Variants in ZC3H12A observed in about 807,000 individuals in gnomAD.
The protein encoded by ZC3H12A is endoribonuclease ZC3H12A.
In ZC3H12A, 9 loss-of-function variants were observed where a neutral mutation model predicts 29.9. The observed-to-expected ratio is 0.30, with a 90% CI of 0.18 to 0.53. The LOEUF (loss-of-function observed/expected upper bound fraction) is 0.53, where lower values mean the gene tolerates loss of function less well. ZC3H12A is among the 20% of genes least tolerant of loss of function. ZC3H12A has a pLI of 0.96. For missense variants in ZC3H12A, 617 were observed against 799.0 expected, an observed-to-expected ratio of 0.77 and a Z score of 2.75; for synonymous variants, 323 against 338.1, an observed-to-expected ratio of 0.96 and a Z score of 0.49.
chr1:37,480,108 G>A, intron 2 of ZC3H12A, 182 bp from the exon 3 acceptor site: 4 of 1,320,766 alleles, frequency 3.0e-6, no homozygotes, highest in Non-Finnish European at 3.9e-6. Context: ...CCTGCAGAGG[G>A]CCAGGGCCTG....
rs1256411606 is a variant in ZC3H12A, at chr1:37,481,685, G to C, written c.668G>C (p.Cys223Ser). The C allele has an allele frequency of 6.2e-7, 1 of 1,614,260 alleles. No homozygotes were observed. The highest frequency in any genetic ancestry group is 8.5e-7 in the Non-Finnish European group (1 of 1,180,042). The change falls in exon 4 of 6, where the codon TGC becomes TCC. Residue 223 changes from cysteine to serine, a missense_variant. Physicochemically the swap from Cys to Ser is moderately radical, Grantham distance 112. Transcript: ENST00000373087. ...CGCGTGGGTGGCAAGCGGGTGGTGT[G>C]CTATGACGACAGATTCATTGTGAAG... Reference protein sequence around the residue: ...SRRVGGKRVVCYDDRFIVKLA... With the variant: ...SRRVGGKRVVSYDDRFIVKLA...
At chr1:37,482,630 C>A (rs769604990) in intron 5 of ZC3H12A, 90 bp downstream of exon 5, 7 of 1,607,930 alleles carry the variant, frequency 4.4e-6, no homozygotes, top group Non-Finnish European at 6.0e-6. Flanking sequence ...TCTTGGGGAC[C>A]TCCACCATTG....
Position 37,482,861 on chromosome 1 carries a change from C to T in ZC3H12A, c.1050C>T (p.Ser350=). The change falls in exon 6 of 6, where the codon AGC becomes AGT. Residue 350 remains serine, a synonymous_variant. Coordinates refer to ENST00000373087, the MANE Select transcript of ZC3H12A (RefSeq NM_025079.3). ...NALLSPPRAP[S]KDKNGRRPSP... Reference sequence around the variant, plus strand: ...TCCTCTCACCCCCCAGAGCCCCAAGCAAGGACAAAAATGGCCGGCGGCCTT... The same window carrying T: ...TCCTCTCACCCCCCAGAGCCCCAAGTAAGGACAAAAATGGCCGGCGGCCTT... 6.2e-7 allele frequency: 1 copy of T among 1,613,958 alleles called. No homozygotes were observed. Among genetic ancestry groups the T allele is most frequent in the Non-Finnish European group, 8.5e-7 (1 of 1,180,028 alleles).
Position 37,483,159 on chromosome 1 carries a change from C to G in ZC3H12A, c.1348C>G (p.Leu450Val). 1 of 1,613,560 alleles carries G rather than the reference C, an allele frequency of 6.2e-7. No individual in the cohort carries two copies. The highest frequency in any genetic ancestry group is 8.5e-7 in the Non-Finnish European group (1 of 1,179,938). ...CTCCCTGGAGAGCCAGATGTCGGAA[C>G]TTTGGGGGGTTCGAGGAGGAGGCCC... ...IGSLESQMSELWGVRGGGPGE... is the reference protein window; with the variant it reads ...IGSLESQMSEVWGVRGGGPGE... The change falls in exon 6 of 6, where the codon CTT becomes GTT. Residue 450 changes from leucine to valine, a missense_variant. By Grantham distance (32) the Leu-to-Val change is conservative. Coordinates refer to ENST00000373087, the MANE Select transcript of ZC3H12A (RefSeq NM_025079.3).
At chr1:37,481,950 G>C (rs967820369) in intron 4 of ZC3H12A, 115 bp downstream of exon 4, 2 of 1,062,584 alleles carry the variant, frequency 1.9e-6, no homozygotes, top group Non-Finnish European at 2.8e-6. Flanking sequence ...GGCCATGGGA[G>C]GTTGCGGGTC....
rs144045582 is a variant in ZC3H12A at position 37,478,165 on chromosome 1, G to T, written c.444-2125G>T. Among the ~76,000 whole-genome samples the T allele has an allele frequency of 2.1e-3, 314 of 152,266 alleles. 1 individual carries two copies. The highest frequency in any genetic ancestry group is 0.017 in the Middle Eastern group (5 of 294). On this transcript the variant is annotated intron_variant, in intron 2 of 5. Coordinates refer to ENST00000373087, the MANE Select transcript of ZC3H12A (RefSeq NM_025079.3). The surrounding 1 kb of genome is among the most constrained non-coding windows in gnomAD (Gnocchi z 5.2). ...GGCAGGCCAGAAGGCCCAAGGAAGG[G>T]GGGTGATGTGATGGGGGAAGCACTG...
chr1:37,481,895 C>A, intron 4 of ZC3H12A, 60 bp downstream of exon 4: 1 of 1,542,346 alleles, frequency 6.5e-7, no homozygotes, highest in South Asian at 1.2e-5. Context: ...CCAGAGGTGC[C>A]CTTGGCAAGG....
rs1641562076 is a variant in ZC3H12A, at chr1:37,475,411, G to A, written c.-38-48G>A. On this transcript the variant is annotated intron_variant, in intron 1 of 5. Coordinates refer to ENST00000373087, the MANE Select transcript of ZC3H12A (RefSeq NM_025079.3). This position sits in a 1 kb window ranked among gnomAD's most constrained non-coding sequence, Gnocchi z 5.2. The stretch of plus-strand genomic sequence containing the variant: ...TGCTGGATGTGGTTTTGGGAGGGAG[G>A]TTAGGAGAGAGCGCTATTCACCGTC... 5.6e-6 allele frequency: 8 copies of A among 1,438,540 alleles called. No individual in the cohort carries two copies. Among genetic ancestry groups the A allele is most frequent in the Non-Finnish European group, 7.5e-6 (8 of 1,068,702 alleles). 89.1% of individuals were successfully genotyped at this position (1,438,540 alleles called of 1,614,324 possible). A position where few individuals can be genotyped will look rare whatever the true frequency, so the allele number is the denominator to read the frequency against.
In ZC3H12A at chr1:37,483,874, C is replaced by T. The variant is rs1428127068; in HGVS notation, c.*263C>T. On this transcript the variant is annotated 3_prime_UTR_variant, in exon 6 of 6. Coordinates refer to ENST00000373087, the MANE Select transcript of ZC3H12A (RefSeq NM_025079.3). ...ATTGTATCTCTGTAGTTTAAGGAGA[C>T]GCTGCCGGTAACGGCGTCGGTCCGT... is the stretch of plus-strand genomic sequence containing the variant. 2.2e-6 allele frequency: 1 copy of T among 453,074 alleles called. No homozygotes were observed. Among genetic ancestry groups the T allele is most frequent in the South Asian group, 4.8e-5 (1 of 20,976 alleles). 28.1% of individuals were successfully genotyped at this position (453,074 alleles called of 1,614,324 possible). A position where few individuals can be genotyped will look rare whatever the true frequency, so the allele number is the denominator to read the frequency against.
At chr1:37,480,195 A>T (rs766554484) in intron 2 of ZC3H12A, 95 bp from the exon 3 acceptor site, 1 of 1,524,316 alleles carries the variant, frequency 6.6e-7, no homozygotes, top group Non-Finnish European at 8.8e-7. Context: ...AAGCCAGGGC[A>T]GGGGTGGGGT....
Position 37,475,528 on chromosome 1 carries a change from T to A in ZC3H12A, c.32T>A (p.Leu11Gln), listed in dbSNP as rs1641565778. The A allele has an allele frequency of 6.2e-7, 1 of 1,612,130 alleles. No individual in the cohort carries two copies. Among genetic ancestry groups the A allele is most frequent in the South Asian group, 1.1e-5 (1 of 91,004 alleles). ...GGCCCCTGTGGAGAGAAGCCTGTCC[T>A]GGAAGCCAGCCCCACCATGAGTCTG... MSGPCGEKPV[L>Q]EASPTMSLWE... Residue 11 changes from leucine to glutamine, a missense_variant, in exon 2 of 6, where the codon CTG becomes CAG. Physicochemically the swap from Leu to Gln is moderately radical, Grantham distance 113. This residue lies in a region of ZC3H12A where 67 missense variants were observed against 56.2 expected (regional missense o/e 1.19). Coordinates refer to ENST00000373087, the MANE Select transcript of ZC3H12A (RefSeq NM_025079.3). The surrounding 1 kb of genome is among the most constrained non-coding windows in gnomAD (Gnocchi z 5.2).
chr1:37,478,060 G>A lies in ZC3H12A; in HGVS notation c.443+2121G>A, dbSNP rs1470595854. 6.6e-6 allele frequency among the ~76,000 whole-genome samples: 1 copy of A among 152,212 alleles called. No homozygotes were observed. Among genetic ancestry groups the A allele is most frequent in the Admixed American group, 6.5e-5 (1 of 15,284 alleles). On this transcript the variant is annotated intron_variant, in intron 2 of 5. Coordinates refer to ENST00000373087, the MANE Select transcript of ZC3H12A (RefSeq NM_025079.3). This position sits in a 1 kb window ranked among gnomAD's most constrained non-coding sequence, Gnocchi z 5.2. ...AGGATCATGTGCCCGGAGGGAGGCAGGTGGGCGGATACATGCGCACACTGC... is the reference window on the plus strand; with the variant it reads ...AGGATCATGTGCCCGGAGGGAGGCAAGTGGGCGGATACATGCGCACACTGC...
intron 5 of ZC3H12A, 68 bp from the exon 6 acceptor site, chr1:37,482,669 C>G (rs1641734432): frequency 6.2e-7 from 1 of 1,611,360 alleles, no homozygotes; most frequent in African/African-American, 1.3e-5. Context: ...CCTGTGCCAC[C>G]CCTTCCCTGC....
At position 37,478,423 on chromosome 1, in the gene ZC3H12A, C is replaced by T. The variant is rs150620052; in HGVS notation, c.444-1867C>T. Among the ~76,000 whole-genome samples, 171 of 152,306 alleles carry T rather than the reference C, an allele frequency of 1.1e-3. 2 individuals are homozygous for T. Among genetic ancestry groups the T allele is most frequent in the African/African-American group, 3.9e-3 (164 of 41,542 alleles). ...CTTCTGTTAGAGACAGGAAGGCAAC[C>T]GAGTGGCCCAGACCTGGGTTCGAGT... On this transcript the variant is annotated intron_variant, in intron 2 of 5. Transcript: ENST00000373087. The surrounding 1 kb of genome is among the most constrained non-coding windows in gnomAD (Gnocchi z 5.2).
At position 37,481,606 on chromosome 1, in the gene ZC3H12A, C is replaced by G; in HGVS notation, c.589C>G (p.His197Asp). 2 of 1,614,172 alleles carry G rather than the reference C, an allele frequency of 1.2e-6. No homozygotes were observed. The highest frequency in any genetic ancestry group is 1.7e-6 in the Non-Finnish European group (2 of 1,180,016). The change falls in exon 4 of 6, where the codon CAC (histidine) becomes GAC (aspartate). Residue 197 changes from histidine to aspartate, a missense_variant. Physicochemically the swap from His to Asp is moderately conservative, Grantham distance 81. Transcript: ENST00000373087. ...GTGCACCCGTCACCTCCCAGACCAG[C>G]ACATCCTGCGGGAACTGGAGAAGAA... Reference protein sequence around the residue: ...PRPDVPITDQHILRELEKKKI... With the variant: ...PRPDVPITDQDILRELEKKKI...
Position 37,476,039 on chromosome 1 carries a change from A to T in ZC3H12A, c.443+100A>T, listed in dbSNP as rs1308904508. ...TGTCTCTGCAGCTCTGGTGGGCTGG[A>T]AGAAGTGACTTCCTTCTTAGGGACT... On this transcript the variant is annotated intron_variant, in intron 2 of 5. Coordinates refer to ENST00000373087, the MANE Select transcript of ZC3H12A (RefSeq NM_025079.3). This position sits in a 1 kb window ranked among gnomAD's most constrained non-coding sequence, Gnocchi z 6.0. 2 of 1,254,660 alleles carry T rather than the reference A, an allele frequency of 1.6e-6. No individual in the cohort carries two copies. The highest frequency in any genetic ancestry group is 6.0e-5 in the Admixed American group (2 of 33,308). The allele number at this position is 1,254,660 out of a possible 1,614,324, so 77.7% of individuals were successfully genotyped here.
At position 37,476,327 on chromosome 1, in the gene ZC3H12A, G is replaced by A. The variant is rs186119274; in HGVS notation, c.443+388G>A. Among the ~76,000 whole-genome samples the A allele has an allele frequency of 6.6e-6, 1 of 152,212 alleles. No individual in the cohort carries two copies. The highest frequency in any genetic ancestry group is 1.5e-5 in the Non-Finnish European group (1 of 68,030). ...TGTGAGGAGGGAGTGTGCGGATCCCGGAGAGGAGCAAGCGTTCAGGAACCA... is the reference window on the plus strand; with the variant it reads ...TGTGAGGAGGGAGTGTGCGGATCCCAGAGAGGAGCAAGCGTTCAGGAACCA... On this transcript the variant is annotated intron_variant, in intron 2 of 5. Transcript: ENST00000373087. The surrounding 1 kb of genome is among the most constrained non-coding windows in gnomAD (Gnocchi z 6.0).
At position 37,483,326 on chromosome 1, in the gene ZC3H12A, G is replaced by A. The variant is rs367881286; in HGVS notation, c.1515G>A (p.Ala505=). 156 of 1,613,856 alleles carry A rather than the reference G, an allele frequency of 9.7e-5. No individual in the cohort carries two copies. Among genetic ancestry groups the A allele is most frequent in the South Asian group, 6.5e-4 (59 of 91,084 alleles). The change falls in exon 6 of 6, where the codon GCG becomes GCA. Residue 505 remains alanine, a synonymous_variant. Coordinates refer to ENST00000373087, the MANE Select transcript of ZC3H12A (RefSeq NM_025079.3). ...GTGTCCCTGCCGACTACCCACCCGC[G>A]CCCCCTGCCTTTCCACCTCGAGAGT... ...HFSVPADYPP[A]PPAFPPREYW... is the part of the protein sequence containing the mutation.
rs139585657 is a variant in ZC3H12A at position 37,475,377 on chromosome 1, C to T, written c.-38-82C>T. 69 of 1,092,042 alleles carry T rather than the reference C, an allele frequency of 6.3e-5. No individual in the cohort carries two copies. In the African/African-American group the frequency reaches 1.0e-3, roughly 16 times the overall value. 67.6% of individuals were successfully genotyped at this position (1,092,042 alleles called of 1,614,324 possible). The stretch of plus-strand genomic sequence containing the variant: ...CGATGCAGTGTGTAGTGCCACCAAT[C>T]CCTCATCCTGCTGGATGTGGTTTTG... On this transcript the variant is annotated intron_variant, in intron 1 of 5. Transcript: ENST00000373087. The surrounding 1 kb of genome is among the most constrained non-coding windows in gnomAD (Gnocchi z 5.2).
Sources: allele counts gnomAD v4.1 joint callset (sites outside exome capture counted in the v4.1 genomes callset), GRCh38; gene constraint gnomAD v4.1.1; regional missense constraint gnomAD v4.1.1; non-coding constraint Gnocchi (gnomAD v3.1); transcripts MANE v1.5; gene names NCBI Gene and HGNC (gene_info 2026-07-23, HGNC 2026-07-21).